Variants in CYBRD1 observed in about 807,000 individuals in gnomAD.
CYBRD1 encodes the protein cytochrome b reductase 1, also known as plasma membrane ascorbate-dependent reductase CYBRD1.
A neutral mutation model predicts 21.9 loss-of-function variants in CYBRD1; 14 were observed. That is an observed-to-expected ratio of 0.64 (90% confidence interval 0.42 to 1.00). CYBRD1 has a LOEUF of 1.00. CYBRD1 is among the 50% of genes least tolerant of loss of function. The probability of loss-of-function intolerance (pLI) is 0.00; values close to 1 mark genes in which losing one functional copy is unlikely to be tolerated. For missense variants in CYBRD1, 328 were observed against 352.5 expected (o/e 0.93, Z 0.56); for synonymous variants, 146 against 136.5 (o/e 1.07, Z -0.48).
chr2:171,523,215 T>C (rs1362544953), intron 1 of CYBRD1: 2 of 383,056 alleles, frequency 5.2e-6, no homozygotes, highest in South Asian at 2.0e-5. Flanking sequence ...AGCCTTTTGC[T>C]GAACTTGCTT....
chr2:171,553,952 C>G (rs1449097347), intron 3 of CYBRD1, among the ~76,000 whole-genome samples: 5 of 152,152 alleles, frequency 3.3e-5, no homozygotes, highest in African/African-American at 1.2e-4. Context: ...AATGAAAGTA[C>G]ACTCCACAGG....
At chr2:171,523,359 T>C in intron 1 of CYBRD1, 1 of 334,526 alleles carries the variant, frequency 3.0e-6, no homozygotes, top group Non-Finnish European at 6.1e-6. Flanking sequence ...CGCCCTGGGT[T>C]CCTCTCCTCC....
Position 171,547,435 on chromosome 2 carries a change from C to CT in CYBRD1, c.402+5658dup, listed in dbSNP as rs35411294. On this transcript the variant is annotated intron_variant, in intron 2 of 3. Coordinates refer to ENST00000321348, the MANE Select transcript of CYBRD1 (RefSeq NM_024843.4). ...GAGTCCAAGGAGGCATTTGGGTGCT[C>CT]TTTTTTTTTTTTTTTTGTCTACTTC... Among the ~76,000 whole-genome samples the CT allele has an allele frequency of 7.8e-3, 1,062 of 136,958 alleles. 8 individuals carry two copies. The highest frequency in any genetic ancestry group is 0.029 in the East Asian group (136 of 4,638). The allele number at this position is 136,958 out of a possible 152,430, so 89.8% of individuals were successfully genotyped here.
At chr2:171,523,321 G>A in intron 1 of CYBRD1, 1 of 387,280 alleles carries the variant, frequency 2.6e-6, no homozygotes, top group Non-Finnish European at 5.2e-6. Flanking sequence ...GGGTAAAGGG[G>A]CTGGCCAAGG....
chr2:171,546,143 C>T (rs1165214744), intron 2 of CYBRD1, among the ~76,000 whole-genome samples: 1 of 152,186 alleles, frequency 6.6e-6, no homozygotes, highest in Non-Finnish European at 1.5e-5. Flanking sequence ...TTCTTCCTTG[C>T]TCAGATCCAG....
At chr2:171,535,967 A>G (rs1574436249) in intron 1 of CYBRD1, among the ~76,000 whole-genome samples, 1 of 152,128 alleles carries the variant, frequency 6.6e-6, no homozygotes, top group East Asian at 1.9e-4. Context: ...TAAACTTTTT[A>G]CTGAAGAACA....
At chr2:171,543,044 A>G (rs1423776567) in intron 2 of CYBRD1, among the ~76,000 whole-genome samples, 2 of 152,222 alleles carry the variant, frequency 1.3e-5, no homozygotes, top group Non-Finnish European at 2.9e-5. Context: ...CAGGAAAAGT[A>G]AATCAATAAA....
At chr2:171,541,856 C>CTTT in intron 2 of CYBRD1, 63 bp downstream of exon 2, 1 of 870,350 alleles carries the variant, frequency 1.1e-6, no homozygotes, top group South Asian at 1.8e-5. Flanking sequence ...TAAATGTTTT[C>CTTT]TTTTCTTTTT....
rs1683456597 is a variant in CYBRD1, at chr2:171,554,904, T to G, written c.*77T>G. ...AGTTTTGCTTCTCCTATTAGCCATA[T>G]GATAATTGGGCTATGTAGTATCAAT... On this transcript the variant is annotated 3_prime_UTR_variant, in exon 4 of 4. Transcript: ENST00000321348. 7.0e-7 allele frequency: 1 copy of G among 1,433,008 alleles called. No individual in the cohort carries two copies. Among genetic ancestry groups the G allele is most frequent in the East Asian group, 2.4e-5 (1 of 42,332 alleles). 88.8% of individuals were successfully genotyped at this position (1,433,008 alleles called of 1,614,324 possible). A position where few individuals can be genotyped will look rare whatever the true frequency, so the allele number is the denominator to read the frequency against.
In CYBRD1 at chr2:171,527,262, G is replaced by A. The variant is rs1283704124; in HGVS notation, c.193+4524G>A. On this transcript the variant is annotated intron_variant, in intron 1 of 3. Coordinates refer to ENST00000321348, the MANE Select transcript of CYBRD1 (RefSeq NM_024843.4). ...AAATATCCCCAACATATTTTTTGTT[G>A]TAAATAAATACACATAGATTTTTAA... 3.9e-5 allele frequency among the ~76,000 whole-genome samples: 6 copies of A among 152,220 alleles called. No homozygotes were observed. The East Asian group carries it at 1.2e-3, about 29-fold the overall frequency.
rs57600338 is a variant in CYBRD1, at chr2:171,529,531, C to CAAA, written c.193+6815_193+6817dup. 3.8e-3 allele frequency among the ~76,000 whole-genome samples: 261 copies of CAAA among 68,990 alleles called. 4 individuals are homozygous for CAAA. Among genetic ancestry groups the CAAA allele is most frequent in the Middle Eastern group, 9.4e-3 (1 of 106 alleles). 45.3% of individuals were successfully genotyped at this position (68,990 alleles called of 152,430 possible). On this transcript the variant is annotated intron_variant, in intron 1 of 3. Coordinates refer to ENST00000321348, the MANE Select transcript of CYBRD1 (RefSeq NM_024843.4). ...GGGCAACAAGAGTGAAACTCTGTCT[C>CAAA]AAAAAAAAAAAAAAAAAAAAAAAAG...
Position 171,557,399 on chromosome 2 carries a change from T to C in CYBRD1, c.*2572T>C, listed in dbSNP as rs1201344968. 1 of 152,200 alleles carries C rather than the reference T, an allele frequency of 6.6e-6. No homozygotes were observed. Among genetic ancestry groups the C allele is most frequent in the African/African-American group, 2.4e-5 (1 of 41,440 alleles). 9.4% of individuals were successfully genotyped at this position (152,200 alleles called of 1,614,324 possible). On this transcript the variant is annotated 3_prime_UTR_variant, in exon 4 of 4. Transcript: ENST00000321348. ...TAATCTGGCTTGGTTTACCCCATAA[T>C]CTAATTTCAGAAAAGAAAGCTTTAT...
intron 1 of CYBRD1, among the ~76,000 whole-genome samples, chr2:171,524,037 TAAAGA>T (rs1393739479): frequency 1.2e-4 from 18 of 152,352 alleles, no homozygotes; most frequent in African/African-American, 3.8e-4. Context: ...ACCTCATTCC[TAAAGA>T]AAAGTGATTT....
Position 171,554,789 on chromosome 2 carries a change from T to A in CYBRD1, c.823T>A (p.Leu275Ile). The A allele has an allele frequency of 6.2e-7, 1 of 1,613,732 alleles. No individual in the cohort carries two copies. The change falls in exon 4 of 4, where the codon TTA (leucine) becomes ATA (isoleucine). Residue 275 changes from leucine (L) to isoleucine (I), a missense_variant. Coordinates refer to ENST00000321348, the MANE Select transcript of CYBRD1 (RefSeq NM_024843.4). ...NSEVAARKRNLALDEAGQRST... is the reference protein window; with the variant it reads ...NSEVAARKRNIALDEAGQRST... ...TGAAGTAGCAGCAAGGAAAAGAAAC[T>A]TAGCTCTGGATGAGGCTGGGCAGAG...
Position 171,554,615 on chromosome 2 carries a change from T to C in CYBRD1, c.649T>C (p.Trp217Arg). Residue 217 changes from tryptophan (W) to arginine (R), a missense_variant, in exon 4 of 4, where the codon TGG becomes CGG. Transcript: ENST00000321348. ...CCTGGTGTTCGGGGCCCTCATTTTTTGGATAGTCACCAGACCGCAATGGAA... is the reference window on the plus strand; with the variant it reads ...CCTGGTGTTCGGGGCCCTCATTTTTCGGATAGTCACCAGACCGCAATGGAA... ...LILVFGALIF[W>R]IVTRPQWKRP... is the part of the protein sequence containing the mutation. 6.2e-7 allele frequency: 1 copy of C among 1,614,086 alleles called. No homozygotes were observed. Among genetic ancestry groups the C allele is most frequent in the Non-Finnish European group, 8.5e-7 (1 of 1,179,968 alleles).
Position 171,541,655 on chromosome 2 carries a change from G to A in CYBRD1, c.264G>A (p.Gly88=). 1 of 1,613,860 alleles carries A rather than the reference G, an allele frequency of 6.2e-7. No individual in the cohort carries two copies. The highest frequency in any genetic ancestry group is 8.5e-7 in the Non-Finnish European group (1 of 1,179,988). ...SKLLMKSIHA[G]LNAVAAILAI... ...TCCTGATGAAATCCATCCATGCAGG[G>A]TTAAATGCAGTTGCTGCCATTCTTG... Residue 88 remains glycine, a synonymous_variant, in exon 2 of 4, where the codon GGG becomes GGA. Coordinates refer to ENST00000321348, the MANE Select transcript of CYBRD1 (RefSeq NM_024843.4).
chr2:171,534,560 A>G (rs1166905002), intron 1 of CYBRD1, among the ~76,000 whole-genome samples: 2 of 152,162 alleles, frequency 1.3e-5, no homozygotes, highest in African/African-American at 4.8e-5. Flanking sequence ...AACATTTTGC[A>G]TTTATCCTTC....
Position 171,554,241 on chromosome 2 carries a change from G to A in CYBRD1, c.558-283G>A, listed in dbSNP as rs187675338. On this transcript the variant is annotated intron_variant, in intron 3 of 3. Transcript: ENST00000321348. ...GGTTTTCCTTTTGGTTTAGTTCTAG[G>A]AAGTCCGTGTGAATTGACCTGAGGT... is the stretch of plus-strand genomic sequence containing the variant. Among the ~76,000 whole-genome samples, 763 of 152,276 alleles carry A rather than the reference G, an allele frequency of 5.0e-3. 6 individuals are homozygous for A. Among genetic ancestry groups the A allele is most frequent in the Admixed American group, 7.1e-3 (109 of 15,288 alleles).
intron 1 of CYBRD1, among the ~76,000 whole-genome samples, chr2:171,526,594 A>T (rs1697390138): frequency 6.6e-6 from 1 of 152,204 alleles, no homozygotes; most frequent in African/African-American, 2.4e-5. Context: ...ATGAATGAGG[A>T]AGGGTTTAGA....
Sources: gnomAD v4.1 joint callset for allele counts (sites outside exome capture counted in the v4.1 genomes callset) on GRCh38, gnomAD v4.1.1 for gene constraint, MANE v1.5 for transcripts, NCBI Gene and HGNC (gene_info 2026-07-23, HGNC 2026-07-21) for gene names.